SNTG1: variants seen among roughly 807,000 people sequenced by gnomAD.
SNTG1 encodes the protein syntrophin gamma 1.
A neutral mutation model predicts 74.7 loss-of-function variants in SNTG1; 39 were observed. The ratio of observed to expected loss-of-function variants is 0.52; its 90% CI spans 0.40 to 0.68. The LOEUF (loss-of-function observed/expected upper bound fraction) is 0.68, where lower values mean the gene tolerates loss of function less well. Ranked by LOEUF, SNTG1 falls within the 30% of genes least tolerant of loss-of-function variation. SNTG1 has a pLI of 0.00. For missense variants in SNTG1, 685 were observed against 609.5 expected (o/e 1.12, Z -1.30); for synonymous variants, 254 against 217.1 (o/e 1.17, Z -1.49).
chr8:50,243,396 A>C (rs1055237260), intron 2 of SNTG1, among the ~76,000 whole-genome samples: 1 of 152,150 alleles, frequency 6.6e-6, no homozygotes, highest in African/African-American at 2.4e-5. Context: ...TTTTACTAAA[A>C]TTTATCTAGA....
At chr8:50,124,638 T>C (rs1446722890) in intron 1 of SNTG1, among the ~76,000 whole-genome samples, 2 of 142,202 alleles carry the variant, frequency 1.4e-5, no homozygotes, top group Admixed American at 1.4e-4. Context: ...CCTCTGCTTA[T>C]AAATTATTGA....
chr8:50,079,421 T>C (rs1345328300), intron 1 of SNTG1, among the ~76,000 whole-genome samples: 2 of 151,884 alleles, frequency 1.3e-5, no homozygotes, highest in African/African-American at 4.8e-5. Flanking sequence ...TTTTTTTTTT[T>C]CTTGTAAATT....
At chr8:50,287,905 G>C (rs1347705112) in intron 2 of SNTG1, among the ~76,000 whole-genome samples, 2 of 108,332 alleles carry the variant, frequency 1.8e-5, no homozygotes, top group Non-Finnish European at 4.9e-5. Flanking sequence ...ACCCCTCTGT[G>C]TCCATCCAGC....
intron 1 of SNTG1, among the ~76,000 whole-genome samples, chr8:49,972,127 C>T (rs1276006284): frequency 2.6e-5 from 4 of 152,022 alleles, no homozygotes; most frequent in Admixed American, 6.6e-5. Flanking sequence ...ACTACAAGGC[C>T]ACAGTAACCA....
rs541454325 is a variant in SNTG1, at chr8:50,350,240, C to T, written c.-27-43972C>T. The stretch of plus-strand genomic sequence containing the variant: ...TCCTGTGCAGCCCGAGCCTCCCTGA[C>T]GAGTGCCGCCCCCTGCTCCACCGGA... On this transcript the variant is annotated intron_variant, in intron 2 of 18. Transcript: ENST00000642720. Among the ~76,000 whole-genome samples the T allele has an allele frequency of 7.9e-5, 12 of 152,224 alleles. No homozygotes were observed. In the East Asian group the frequency reaches 9.7e-4, roughly 12 times the overall value.
At chr8:50,770,603 T>A (rs1318097620) in intron 18 of SNTG1, among the ~76,000 whole-genome samples, 8 of 151,988 alleles carry the variant, frequency 5.3e-5, no homozygotes, top group Non-Finnish European at 8.8e-5. Context: ...CCTAGAGAAG[T>A]CAATTTGCAG....
intron 1 of SNTG1, among the ~76,000 whole-genome samples, chr8:50,134,886 GT>G (rs781108630): frequency 6.6e-6 from 1 of 152,124 alleles, no homozygotes; most frequent in Non-Finnish European, 1.5e-5. Flanking sequence ...TATTCTTCCA[GT>G]GGTTATAAAG....
chr8:50,490,443 C>G (rs1040508128), intron 8 of SNTG1, among the ~76,000 whole-genome samples: 1 of 152,158 alleles, frequency 6.6e-6, no homozygotes, highest in Non-Finnish European at 1.5e-5. Flanking sequence ...CTTATTTCCT[C>G]AAGCAGTGGT....
At chr8:49,979,508 T>A (rs1236962851) in intron 1 of SNTG1, among the ~76,000 whole-genome samples, 2 of 152,046 alleles carry the variant, frequency 1.3e-5, no homozygotes, top group African/African-American at 4.8e-5. Flanking sequence ...CCTTTGCACT[T>A]CCCCCCGATC....
At chr8:50,734,378 G>T (rs898199678) in intron 17 of SNTG1, among the ~76,000 whole-genome samples, 3 of 151,366 alleles carry the variant, frequency 2.0e-5, no homozygotes, top group Non-Finnish European at 4.4e-5. Context: ...GTATATACTA[G>T]CCACTTCATA....
At chr8:50,575,464 G>T (rs986336298) in intron 12 of SNTG1, among the ~76,000 whole-genome samples, 3 of 152,118 alleles carry the variant, frequency 2.0e-5, no homozygotes, top group Non-Finnish European at 4.4e-5. Flanking sequence ...TTGAGTGACT[G>T]CATAGCATGC....
intron 8 of SNTG1, among the ~76,000 whole-genome samples, chr8:50,456,520 A>T (rs1252976299): frequency 1.3e-5 from 2 of 152,106 alleles, no homozygotes; most frequent in African/African-American, 2.4e-5. Flanking sequence ...AAGGGATGAA[A>T]GCTGGGTGGG....
chr8:50,587,024 A>T (rs1399593938), intron 12 of SNTG1, among the ~76,000 whole-genome samples: 1 of 152,092 alleles, frequency 6.6e-6, no homozygotes, highest in Non-Finnish European at 1.5e-5. Flanking sequence ...TGTCATACAC[A>T]TATGTCTACT....
chr8:50,304,100 G>A (rs1292927214), intron 2 of SNTG1, among the ~76,000 whole-genome samples: 1 of 152,296 alleles, frequency 6.6e-6, no homozygotes, highest in Admixed American at 6.5e-5. Flanking sequence ...GCCTTTAAGA[G>A]GCGATTAGAC....
At chr8:50,262,943 A>C (rs2087270531) in intron 2 of SNTG1, among the ~76,000 whole-genome samples, 1 of 152,176 alleles carries the variant, frequency 6.6e-6, no homozygotes, top group Admixed American at 6.5e-5. Flanking sequence ...GGAAAGAGAG[A>C]GATGCATTAT....
chr8:49,960,797 CAGAT>C (rs1167505561), intron 1 of SNTG1, among the ~76,000 whole-genome samples: 1 of 152,074 alleles, frequency 6.6e-6, no homozygotes, highest in African/African-American at 2.4e-5. Context: ...GTATTTACCT[CAGAT>C]AGAGACAATA....
In SNTG1 at chr8:50,219,964, G is replaced by A. The variant is rs535670615; in HGVS notation, c.-28+47329G>A. On this transcript the variant is annotated intron_variant, in intron 2 of 18. Transcript: ENST00000642720. Reference sequence around the variant, plus strand: ...CATGAAAGTTTAATTCACCAGGAGGGGAGAACAATCCTAAACTTACCTAAA... The same window carrying A: ...CATGAAAGTTTAATTCACCAGGAGGAGAGAACAATCCTAAACTTACCTAAA... Among the ~76,000 whole-genome samples the A allele has an allele frequency of 6.2e-4, 95 of 152,152 alleles. 1 individual carries two copies. Among genetic ancestry groups the A allele is most frequent in the South Asian group, 2.5e-3 (12 of 4,818 alleles).
intron 4 of SNTG1, among the ~76,000 whole-genome samples, chr8:50,410,512 T>C (rs1275725408): frequency 1.3e-5 from 2 of 152,224 alleles, no homozygotes; most frequent in African/African-American, 4.8e-5. Flanking sequence ...TCAAGGTGTA[T>C]AATATGATGA....
chr8:49,946,897 A>G (rs980350979), intron 1 of SNTG1, among the ~76,000 whole-genome samples: 2 of 152,314 alleles, frequency 1.3e-5, no homozygotes, highest in Admixed American at 1.3e-4. Context: ...ATGTCCCCAA[A>G]TATTCATATT....
Sources: gnomAD v4.1 joint callset for allele counts (sites outside exome capture counted in the v4.1 genomes callset) on GRCh38, gnomAD v4.1.1 for gene constraint, MANE v1.5 for transcripts, NCBI Gene and HGNC (gene_info 2026-07-23, HGNC 2026-07-21) for gene names.